FRMD8: variants seen among roughly 807,000 people sequenced by gnomAD.
FRMD8 encodes FERM domain containing 8, also known as FERM domain-containing protein 8.
A neutral mutation model predicts 54.2 loss-of-function variants in FRMD8; 37 were observed. That is an observed-to-expected ratio of 0.68 (90% CI 0.53 to 0.90). The LOEUF (loss-of-function observed/expected upper bound fraction) is 0.90, where lower values mean the gene tolerates loss of function less well. Among genes scored for constraint, FRMD8 ranks in the 40% least tolerant of loss-of-function variants. The pLI, the probability that FRMD8 is intolerant of heterozygous loss-of-function variation, is 0.00. For synonymous variants in FRMD8, 246 were observed against 286.9 expected, an observed-to-expected ratio of 0.86 and a Z score of 1.44; for missense variants, 585 against 653.7, an observed-to-expected ratio of 0.89 and a Z score of 1.15.
At chr11:65,388,864 C>G (rs181567123) in intron 2 of FRMD8, among the ~76,000 whole-genome samples, 1 of 152,202 alleles carries the variant, frequency 6.6e-6, no homozygotes, top group Non-Finnish European at 1.5e-5. Flanking sequence ...AGGACAGCAG[C>G]GGGTTACCAG....
intron 2 of FRMD8, among the ~76,000 whole-genome samples, chr11:65,388,629 T>C (rs775875421): frequency 1.3e-5 from 2 of 152,154 alleles, no homozygotes; most frequent in Non-Finnish European, 2.9e-5. Context: ...TGGTTGCTCT[T>C]CCAGGTGTCT....
chr11:65,382,481 C>G (rs1199982891), upstream of FRMD8: 5 of 169,876 alleles, frequency 2.9e-5, no homozygotes, highest in East Asian at 3.1e-4. This position sits in a 1 kb window ranked among gnomAD's most constrained non-coding sequence, Gnocchi z 4.4. Flanking sequence ...CCAGGAGTGA[C>G]TCACCAGGCC....
intron 9 of FRMD8, among the ~76,000 whole-genome samples, chr11:65,401,829 T>C (rs537190876): frequency 1.5e-4 from 22 of 150,390 alleles, no homozygotes; most frequent in South Asian, 4.2e-4. Context: ...ATTTTCTTTT[T>C]TTTTTTTTTT....
At chr11:65,410,370 CTGTAG>C (rs1856303388) in intron 10 of FRMD8, among the ~76,000 whole-genome samples, 1 of 151,628 alleles carries the variant, frequency 6.6e-6, no homozygotes, top group Non-Finnish European at 1.5e-5. Context: ...TGGCGCACAC[CTGTAG>C]TCCCAGCTAC....
chr11:65,381,840 C>T (rs998596635), upstream of FRMD8: 6 of 1,588,686 alleles, frequency 3.8e-6, no homozygotes, highest in Non-Finnish European at 5.2e-6. Context: ...CTCTGCTCCT[C>T]CCATGTCACC....
chr11:65,413,414 T>C lies in FRMD8; in HGVS notation c.*2054T>C, dbSNP rs1469225674. 2 of 152,258 alleles carry C rather than the reference T, an allele frequency of 1.3e-5. No individual in the cohort carries two copies. Among genetic ancestry groups the C allele is most frequent in the Non-Finnish European group, 2.9e-5 (2 of 68,048 alleles). The allele number at this position is 152,258 out of a possible 1,614,324, so 9.4% of individuals were successfully genotyped here. ...CTTCTTACGTTTTCTGAGCATCCAT[T>C]GTGCCTTAACATTTTCTGCTTGTCC... On this transcript the variant is annotated 3_prime_UTR_variant, in exon 11 of 11. Transcript: ENST00000317568.
rs1323641329 is a variant in FRMD8 at position 65,413,388 on chromosome 11, GCTT to G, written c.*2032_*2034del. The G allele has an allele frequency of 1.3e-5, 2 of 152,186 alleles. No homozygotes were observed. The highest frequency in any genetic ancestry group is 2.1e-4 in the South Asian group (1 of 4,830). The allele number at this position is 152,186 out of a possible 1,614,324, so 9.4% of individuals were successfully genotyped here. ...ACACAGATGATGTGTTTTCCCTTCAGCTTCTTACGTTTTCTGAGCATCCATTGT... is the reference window on the plus strand; with the variant it reads ...ACACAGATGATGTGTTTTCCCTTCAGCTTACGTTTTCTGAGCATCCATTGT... On this transcript the variant is annotated 3_prime_UTR_variant, in exon 11 of 11. Coordinates refer to ENST00000317568, the MANE Select transcript of FRMD8 (RefSeq NM_031904.5).
chr11:65,404,958 C>G lies in FRMD8; in HGVS notation c.1166C>G (p.Ser389Trp), dbSNP rs150215273. Reference sequence around the variant, plus strand: ...CAGGACAGTGCGACTGGCTCGCCCTCGGACCCCAGCTCCTCACTGGCTCCT... The same window carrying G: ...CAGGACAGTGCGACTGGCTCGCCCTGGGACCCCAGCTCCTCACTGGCTCCT... ...GPQDSATGSPSDPSSSLAPVQ... is the reference protein window; with the variant it reads ...GPQDSATGSPWDPSSSLAPVQ... Residue 389 changes from serine (S) to tryptophan (W), a missense_variant, in exon 10 of 11, where the codon TCG (serine) becomes TGG (tryptophan). Ser to Trp is a radical substitution (Grantham distance 177). Transcript: ENST00000317568. This position sits in a 1 kb window ranked among gnomAD's most constrained non-coding sequence, Gnocchi z 4.7. 4 of 1,613,156 alleles carry G rather than the reference C, an allele frequency of 2.5e-6. No individual in the cohort carries two copies. Among genetic ancestry groups the G allele is most frequent in the African/African-American group, 1.3e-5 (1 of 75,070 alleles).
At chr11:65,379,176 GTC>G in the FRMD8 span, 1 of 612,026 alleles carries the variant, frequency 1.6e-6, no homozygotes, top group South Asian at 2.0e-5. Context: ...CCCACCAGCT[GTC>G]TCTGCCTTTT....
At chr11:65,388,096 GGAGGTTGCGGT>G (rs1004209379) in intron 2 of FRMD8, among the ~76,000 whole-genome samples, 3 of 151,932 alleles carry the variant, frequency 2.0e-5, no homozygotes, top group Non-Finnish European at 4.4e-5. Flanking sequence ...CCTGAGAGGC[GGAGGTTGCGGT>G]GAGCTGAGCT....
At position 65,396,812 on chromosome 11, in the gene FRMD8, T is replaced by A. The variant is rs368532476; in HGVS notation, c.595T>A (p.Ser199Thr). The A allele has an allele frequency of 5.2e-6, 8 of 1,542,572 alleles. No homozygotes were observed. The highest frequency in any genetic ancestry group is 7.0e-6 in the Non-Finnish European group (8 of 1,144,450). Reference sequence around the variant, plus strand: ...CTTCCTCCACAGGGAGAAGCTGGACTCCTTCCTCCCTGCCCACCTCTGTAA... The same window carrying A: ...CTTCCTCCACAGGGAGAAGCTGGACACCTTCCTCCCTGCCCACCTCTGTAA... ...AACDLREKLD[S>T]FLPAHLCKRG... Residue 199 changes from serine to threonine, a missense_variant, in exon 7 of 11, where the codon TCC becomes ACC. Physicochemically the swap from Ser to Thr is moderately conservative, Grantham distance 58. Coordinates refer to ENST00000317568, the MANE Select transcript of FRMD8 (RefSeq NM_031904.5).
At chr11:65,390,225 G>A (rs1318899344) in intron 3 of FRMD8, among the ~76,000 whole-genome samples, 2 of 152,098 alleles carry the variant, frequency 1.3e-5, no homozygotes, top group African/African-American at 2.4e-5. Context: ...GGGACTTAAG[G>A]GCGGTGGCTC....
intron 2 of FRMD8, among the ~76,000 whole-genome samples, chr11:65,387,422 T>C (rs963692885): frequency 6.6e-6 from 1 of 152,178 alleles, no homozygotes. Flanking sequence ...CCCAGAACTT[T>C]GGGAGGCCAA....
chr11:65,380,241 C>T, the FRMD8 span: 1 of 1,612,544 alleles, frequency 6.2e-7, no homozygotes, highest in East Asian at 2.2e-5. Context: ...AAGTCTGTGC[C>T]AAGAGGAAAG....
Position 65,411,294 on chromosome 11 carries a change from G to A in FRMD8, c.1329G>A (p.Arg443=). The change falls in exon 11 of 11, where the codon CGG becomes CGA. Residue 443 remains arginine (R), a synonymous_variant. Transcript: ENST00000317568. ...KPKRTTSFFS[R]QLSLGQGSYT... is the part of the protein sequence containing the mutation. The stretch of plus-strand genomic sequence containing the variant: ...AGCGCACCACATCCTTCTTCAGCCG[G>A]CAGCTGTCCTTGGGCCAGGGGAGCT... 6.2e-7 allele frequency: 1 copy of A among 1,609,654 alleles called. No homozygotes were observed. The highest frequency in any genetic ancestry group is 8.5e-7 in the Non-Finnish European group (1 of 1,179,258).
the FRMD8 span, among the ~76,000 whole-genome samples, chr11:65,370,724 T>C: frequency 6.6e-6 from 1 of 150,472 alleles, no homozygotes; most frequent in South Asian, 2.1e-4. Context: ...TTAAAGTACA[T>C]GTTCAGATCT....
chr11:65,389,265 G>T, intron 2 of FRMD8, 96 bp from the exon 3 acceptor site: 1 of 1,216,972 alleles, frequency 8.2e-7, no homozygotes, highest in Non-Finnish European at 1.2e-6. Context: ...TAGGGTGGGG[G>T]CTCCAGCCCC....
the FRMD8 span, chr11:65,376,632 A>T: frequency 6.2e-7 from 1 of 1,613,998 alleles, no homozygotes; most frequent in Non-Finnish European, 8.5e-7. Context: ...CCACCCAGGA[A>T]GCAATGCCTG....
the FRMD8 span, chr11:65,375,437 G>A: frequency 1.3e-5 from 2 of 152,532 alleles, no homozygotes; most frequent in African/African-American, 4.8e-5. Context: ...GAGGGGACTG[G>A]GCTCAGCCTG....
Sources: gnomAD v4.1 joint callset for allele counts (sites outside exome capture counted in the v4.1 genomes callset) on GRCh38, gnomAD v4.1.1 for gene constraint, Gnocchi (gnomAD v3.1) non-coding constraint, MANE v1.5 for transcripts, NCBI Gene and HGNC (gene_info 2026-07-23, HGNC 2026-07-21) for gene names.